Variants in RPS6KA2 observed in about 807,000 individuals in gnomAD.
RPS6KA2 encodes the protein ribosomal protein S6 kinase alpha-2.
In RPS6KA2, 42 loss-of-function variants were observed where a neutral mutation model predicts 91.8. The ratio of observed to expected loss-of-function variants is 0.46; its 90% CI spans 0.36 to 0.59. The LOEUF is 0.59. Ranked by LOEUF, RPS6KA2 falls within the 20% of genes least tolerant of loss-of-function variation. The pLI, the probability that RPS6KA2 is intolerant of heterozygous loss-of-function variation, is 0.00. For synonymous variants in RPS6KA2, 414 were observed against 393.6 expected, an observed-to-expected ratio of 1.05 and a Z score of -0.61; for missense variants, 798 against 978.5, an observed-to-expected ratio of 0.82 and a Z score of 2.46.
intron 2 of RPS6KA2, among the ~76,000 whole-genome samples, chr6:166,830,929 T>C (rs1163400272): frequency 6.6e-6 from 1 of 152,144 alleles, no homozygotes; most frequent in Non-Finnish European, 1.5e-5. Context: ...CCCTGACCAT[T>C]AGGCACTCTG....
At chr6:166,757,803 A>G in intron 2 of RPS6KA2, 1 of 284,802 alleles carries the variant, frequency 3.5e-6, no homozygotes, top group Non-Finnish European at 7.0e-6. Flanking sequence ...AGTTGAAAAA[A>G]CTCTGGCTGC....
chr6:166,566,877 T>C (rs1343454727), intron 1 of RPS6KA2, among the ~76,000 whole-genome samples: 3 of 152,240 alleles, frequency 2.0e-5, no homozygotes, highest in African/African-American at 4.8e-5. Flanking sequence ...TCTCCCACAC[T>C]GTTCTGTGCC....
At chr6:166,481,558 T>C (rs112788982) in intron 10 of RPS6KA2, among the ~76,000 whole-genome samples, 3 of 152,276 alleles carry the variant, frequency 2.0e-5, no homozygotes, top group Non-Finnish European at 2.9e-5. Flanking sequence ...TCTGATGAGA[T>C]AGTAGACTGT....
rs1204114214 is a variant in RPS6KA2, at chr6:166,648,197, TACACACACTCATGCAC to T, written c.124-109429_124-109414del. Among the ~76,000 whole-genome samples the T allele has an allele frequency of 1.5e-5, 1 of 65,800 alleles. No individual in the cohort carries two copies. Among genetic ancestry groups the T allele is most frequent in the African/African-American group, 6.8e-5 (1 of 14,610 alleles). 43.2% of individuals were successfully genotyped at this position (65,800 alleles called of 152,430 possible). On this transcript the variant is annotated intron_variant, in intron 2 of 21. Coordinates refer to the RPS6KA2 transcript ENST00000503859. The surrounding 1 kb of genome is among the most constrained non-coding windows in gnomAD (Gnocchi z 4.8). ...GCTCACACACATGCACACATGCTCA[TACACACACTCATGCAC>T]ACACACGCACATGCGCACACACACA...
At chr6:166,609,359 G>T (rs1786076084) in intron 1 of RPS6KA2, among the ~76,000 whole-genome samples, 1 of 152,068 alleles carries the variant, frequency 6.6e-6, no homozygotes, top group African/African-American at 2.4e-5. Context: ...AAGATCTGTT[G>T]GGCTGTCTGG....
chr6:166,728,515 T>G (rs1304297500), intron 2 of RPS6KA2, among the ~76,000 whole-genome samples: 1 of 152,218 alleles, frequency 6.6e-6, no homozygotes, highest in Non-Finnish European at 1.5e-5. Context: ...TGAGCCACGT[T>G]TCTGCAGTGC....
intron 3 of RPS6KA2, among the ~76,000 whole-genome samples, chr6:166,516,617 T>C (rs1782650773): frequency 6.6e-6 from 1 of 152,256 alleles, no homozygotes; most frequent in South Asian, 2.1e-4. Context: ...CCGTGGGCTC[T>C]GCCACGCCCT....
chr6:166,749,835 C>G (rs535063157), intron 2 of RPS6KA2, among the ~76,000 whole-genome samples: 8 of 149,604 alleles, frequency 5.3e-5, no homozygotes, highest in Non-Finnish European at 1.2e-4. Flanking sequence ...GGAGCTGCAG[C>G]GGGAGCCTGG....
At chr6:166,512,485 A>G (rs897805754) in intron 3 of RPS6KA2, among the ~76,000 whole-genome samples, 2 of 152,202 alleles carry the variant, frequency 1.3e-5, no homozygotes, top group African/African-American at 4.8e-5. Flanking sequence ...TTAAAAAGAG[A>G]AAGTCCTTCC....
rs1329260862 is a variant in RPS6KA2, at chr6:166,852,410, C to T, written c.123+5790G>A. Among the ~76,000 whole-genome samples the T allele has an allele frequency of 6.6e-6, 1 of 152,032 alleles. No homozygotes were observed. The highest frequency in any genetic ancestry group is 2.4e-5 in the African/African-American group (1 of 41,360). ...TCACCTTGTCTCACTTCTATTCAGA[C>T]CAGTTTAGATTGTTTTTCTTTCTGT... On this transcript the variant is annotated intron_variant, in intron 2 of 21. Coordinates refer to the RPS6KA2 transcript ENST00000503859. This position sits in a 1 kb window ranked among gnomAD's most constrained non-coding sequence, Gnocchi z 4.1.
rs184008830 is a variant in RPS6KA2, at chr6:166,742,910, T to C, written c.123+115290A>G. On this transcript the variant is annotated intron_variant, in intron 2 of 21. Transcript: ENST00000503859. ...TTCCCATTATGGAGGCACAAGTTGC[T>C]CTGACTAATGGCGCTGAAATAACGC... 2.6e-5 allele frequency among the ~76,000 whole-genome samples: 4 copies of C among 152,326 alleles called. No individual in the cohort carries two copies. In the East Asian group the frequency reaches 7.7e-4, roughly 29 times the overall value.
chr6:166,738,628 A>G (rs1790732122), intron 2 of RPS6KA2, among the ~76,000 whole-genome samples: 1 of 152,320 alleles, frequency 6.6e-6, no homozygotes, highest in East Asian at 1.9e-4. Flanking sequence ...ATGGCCCTGG[A>G]CATGTTACCA....
chr6:166,532,864 T>TGA (rs1213452023), intron 2 of RPS6KA2, among the ~76,000 whole-genome samples: 1 of 152,122 alleles, frequency 6.6e-6, no homozygotes, highest in African/African-American at 2.4e-5. Flanking sequence ...TGTGTGTGTG[T>TGA]GTCCCCAAAG....
At chr6:166,658,761 G>A (rs1280927458) in intron 2 of RPS6KA2, among the ~76,000 whole-genome samples, 3 of 152,180 alleles carry the variant, frequency 2.0e-5, no homozygotes, top group East Asian at 1.9e-4. Context: ...ATCTGTGCAA[G>A]GGAAACTTGT....
At chr6:166,858,645 C>T (rs1044223214) in intron 1 of RPS6KA2, among the ~76,000 whole-genome samples, 6 of 152,206 alleles carry the variant, frequency 3.9e-5, no homozygotes, top group Non-Finnish European at 8.8e-5. Context: ...CACAGAGCAG[C>T]GGTGAAGGCA....
intron 3 of RPS6KA2, among the ~76,000 whole-genome samples, chr6:166,518,494 T>C (rs1259211284): frequency 2.0e-5 from 3 of 152,070 alleles, no homozygotes; most frequent in Non-Finnish European, 2.9e-5. Context: ...ATAAATACAA[T>C]ACCCAAATAC....
At chr6:166,794,861 G>T (rs1429156654) in intron 2 of RPS6KA2, among the ~76,000 whole-genome samples, 1 of 120,838 alleles carries the variant, frequency 8.3e-6, no homozygotes, top group Non-Finnish European at 1.7e-5. Flanking sequence ...GTTGTGGGGT[G>T]GGGGGAGGGA....
intron 6 of RPS6KA2, among the ~76,000 whole-genome samples, chr6:166,503,593 G>A (rs1782096353): frequency 6.6e-6 from 1 of 152,164 alleles, no homozygotes; most frequent in Non-Finnish European, 1.5e-5. Context: ...GGCGGCTATG[G>A]GCCCTGGTCT....
intron 8 of RPS6KA2, among the ~76,000 whole-genome samples, chr6:166,496,802 A>T (rs1781801796): frequency 6.6e-6 from 1 of 152,144 alleles, no homozygotes; most frequent in Non-Finnish European, 1.5e-5. Context: ...CTCTGGGGGA[A>T]TTTGGGGTTC....
Sources: allele counts gnomAD v4.1 joint callset (sites outside exome capture counted in the v4.1 genomes callset), GRCh38; gene constraint gnomAD v4.1.1; non-coding constraint Gnocchi (gnomAD v3.1); transcripts MANE v1.5; gene names NCBI Gene and HGNC (gene_info 2026-07-23, HGNC 2026-07-21).